CAMK1D: variants seen among roughly 807,000 people sequenced by gnomAD.
CAMK1D encodes the protein calcium/calmodulin dependent protein kinase ID, also known as calcium/calmodulin-dependent protein kinase type 1D.
A neutral mutation model predicts 47.7 loss-of-function variants in CAMK1D; 9 were observed. That is an observed-to-expected ratio of 0.19 (90% CI 0.11 to 0.33). The LOEUF (loss-of-function observed/expected upper bound fraction) is 0.33, where lower values mean the gene tolerates loss of function less well. Among genes scored for constraint, CAMK1D ranks in the 10% least tolerant of loss-of-function variants. CAMK1D has a pLI of 1.00. For synonymous variants in CAMK1D, 184 were observed against 184.9 expected, an observed-to-expected ratio of 0.99 and a Z score of 0.04; for missense variants, 291 against 488.7, an observed-to-expected ratio of 0.60 and a Z score of 3.81.
At chr10:12,823,421 A>G (rs1456257145) in intron 8 of CAMK1D, among the ~76,000 whole-genome samples, 3 of 152,140 alleles carry the variant, frequency 2.0e-5, no homozygotes, top group African/African-American at 4.8e-5. Flanking sequence ...GGAGCAGAGC[A>G]CAGAGGCCCA....
chr10:12,805,195 G>A (rs1394439271), intron 6 of CAMK1D, among the ~76,000 whole-genome samples: 1 of 150,886 alleles, frequency 6.6e-6, no homozygotes, highest in Non-Finnish European at 1.5e-5. Flanking sequence ...GGAGGTAGAG[G>A]TTGCAGTGAG....
chr10:12,458,444 T>C (rs1388363176), intron 1 of CAMK1D, among the ~76,000 whole-genome samples: 1 of 136,088 alleles, frequency 7.3e-6, no homozygotes, highest in Non-Finnish European at 1.7e-5. Context: ...AAAGACAGGG[T>C]CTTGCACTGT....
At chr10:12,361,339 C>T (rs1283329400) in intron 1 of CAMK1D, among the ~76,000 whole-genome samples, 3 of 149,866 alleles carry the variant, frequency 2.0e-5, no homozygotes, top group Non-Finnish European at 4.4e-5. Context: ...CTCTGCCTCC[C>T]AGGTTCAAGC....
chr10:12,626,475 CTTTTT>C (rs35033817), intron 2 of CAMK1D, among the ~76,000 whole-genome samples: 2 of 136,298 alleles, frequency 1.5e-5, no homozygotes, highest in Non-Finnish European at 1.6e-5. Flanking sequence ...TTCTTTCTTT[CTTTTT>C]TTTTTTTTTT....
intron 1 of CAMK1D, among the ~76,000 whole-genome samples, chr10:12,478,200 G>T (rs2132091458): frequency 6.6e-6 from 1 of 151,838 alleles, no homozygotes; most frequent in East Asian, 1.9e-4. Flanking sequence ...AGTAGAGACG[G>T]GGTTTCACCG....
intron 3 of CAMK1D, among the ~76,000 whole-genome samples, chr10:12,703,886 A>G (rs1246182838): frequency 6.6e-6 from 1 of 151,586 alleles, no homozygotes; most frequent in Non-Finnish European, 1.5e-5. Context: ...AAAAAAAAAG[A>G]CAAATTTGAG....
At chr10:12,827,472 G>GTCTGTCTTTCTTTCTTTCTTTCTT (rs1291708180) in intron 10 of CAMK1D, among the ~76,000 whole-genome samples, 2 of 5,096 alleles carry the variant, frequency 3.9e-4, no homozygotes, top group Non-Finnish European at 4.8e-4. Flanking sequence ...TTGTCTGTCT[G>GTCTGTCTTTCTTTCTTTCTTTCTT]TCTTTCTTTC....
At chr10:12,746,754 C>T (rs1041646972) in intron 3 of CAMK1D, among the ~76,000 whole-genome samples, 15 of 152,152 alleles carry the variant, frequency 9.9e-5, no homozygotes, top group African/African-American at 1.9e-4. Flanking sequence ...AACTGTGTGA[C>T]GGGGGCGGGA....
chr10:12,575,702 C>T (rs1303246899), intron 2 of CAMK1D, among the ~76,000 whole-genome samples: 1 of 152,210 alleles, frequency 6.6e-6, no homozygotes, highest in Non-Finnish European at 1.5e-5. Flanking sequence ...CAGACAGTCA[C>T]AAGCCTGTGA....
chr10:12,533,819 G>T (rs2132226848), intron 1 of CAMK1D, among the ~76,000 whole-genome samples: 1 of 152,250 alleles, frequency 6.6e-6, no homozygotes, highest in East Asian at 1.9e-4. Flanking sequence ...TAGTATGGTG[G>T]CTCTGTAAAG....
intron 1 of CAMK1D, among the ~76,000 whole-genome samples, chr10:12,432,887 A>G (rs925229531): frequency 2.0e-5 from 3 of 152,010 alleles, no homozygotes; most frequent in South Asian, 2.1e-4. Flanking sequence ...CGTCTCGGCA[A>G]TGGGAGCTGC....
chr10:12,693,296 C>T (rs897126040), intron 3 of CAMK1D, among the ~76,000 whole-genome samples: 1 of 151,962 alleles, frequency 6.6e-6, no homozygotes, highest in African/African-American at 2.4e-5. Flanking sequence ...ACACGGTAGG[C>T]AGAGGTCGCA....
chr10:12,462,040 T>A (rs562309150), intron 1 of CAMK1D, among the ~76,000 whole-genome samples: 1 of 152,172 alleles, frequency 6.6e-6, no homozygotes, highest in Non-Finnish European at 1.5e-5. Flanking sequence ...AGCGAAAGAA[T>A]GAGTGCGTGC....
At chr10:12,676,312 T>C (rs1301089338) in intron 3 of CAMK1D, among the ~76,000 whole-genome samples, 1 of 152,208 alleles carries the variant, frequency 6.6e-6, no homozygotes, top group Non-Finnish European at 1.5e-5. Context: ...TTCTGCCAAA[T>C]GTCACCTGTT....
chr10:12,485,234 G>A (rs1834178405), intron 1 of CAMK1D, among the ~76,000 whole-genome samples: 1 of 152,210 alleles, frequency 6.6e-6, no homozygotes, highest in African/African-American at 2.4e-5. Context: ...GTGAGACCGA[G>A]CTAGGGGAGG....
intron 3 of CAMK1D, among the ~76,000 whole-genome samples, chr10:12,705,192 G>T (rs1833684386): frequency 1.3e-5 from 2 of 152,170 alleles, no homozygotes; most frequent in African/African-American, 4.8e-5. Flanking sequence ...TGGGCACGGT[G>T]GCTCACCCCT....
chr10:12,374,714 G>T (rs143102407), intron 1 of CAMK1D, among the ~76,000 whole-genome samples: 3 of 152,012 alleles, frequency 2.0e-5, no homozygotes, highest in Non-Finnish European at 4.4e-5. Flanking sequence ...AGGCTGAGGC[G>T]GGTGGGATCA....
intron 2 of CAMK1D, among the ~76,000 whole-genome samples, chr10:12,584,513 A>G (rs1370534491): frequency 6.6e-6 from 1 of 152,180 alleles, no homozygotes; most frequent in Non-Finnish European, 1.5e-5. Flanking sequence ...CTGAAGAGGG[A>G]TCTGAGACTC....
At chr10:12,708,081 C>T (rs17152127) in intron 3 of CAMK1D, among the ~76,000 whole-genome samples, 8,597 of 152,244 alleles carry the variant, frequency 0.056, 762 homozygotes, top group African/African-American at 0.19. Context: ...CCTTCGCTCT[C>T]TAAAGGTCAG....
Sources: allele counts gnomAD v4.1 joint callset (sites outside exome capture counted in the v4.1 genomes callset), GRCh38; gene constraint gnomAD v4.1.1; transcripts MANE v1.5; gene names NCBI Gene and HGNC (gene_info 2026-07-23, HGNC 2026-07-21).